The following HIGD1C variants were observed in gnomAD, a reference collection of about 807,000 sequenced individuals.
HIGD1C encodes the protein HIG1 domain family member 1C.
HIGD1C carries 11 observed loss-of-function variants against 13.1 expected under a neutral mutation model. The ratio of observed to expected loss-of-function variants is 0.84; its 90% confidence interval spans 0.53 to 1.39. HIGD1C has a LOEUF of 1.39. HIGD1C is among the 40% of genes most tolerant of loss of function. The pLI is 0.00. For synonymous variants in HIGD1C, 36 were observed against 37.7 expected (o/e 0.95, Z 0.17); for missense variants, 110 against 112.0 (o/e 0.98, Z 0.08).
At chr12:50,944,234 G>C in the HIGD1C span, among the ~76,000 whole-genome samples, 1 of 152,080 alleles carries the variant, frequency 6.6e-6, no homozygotes, top group African/African-American at 2.4e-5. Flanking sequence ...CTCTCTCCCA[G>C]GTCTGTCTTT....
the HIGD1C span, among the ~76,000 whole-genome samples, chr12:50,947,554 T>C: frequency 1.3e-4 from 20 of 152,160 alleles, no homozygotes; most frequent in Non-Finnish European, 2.8e-4. Context: ...CCCACCCAGA[T>C]AGTCCAGGAC....
At chr12:50,944,164 C>T in the HIGD1C span, among the ~76,000 whole-genome samples, 1 of 152,082 alleles carries the variant, frequency 6.6e-6, no homozygotes, top group Non-Finnish European at 1.5e-5. Context: ...ATCCCTTCTC[C>T]TGACCTAAGG....
chr12:50,951,264 G>A (rs1166718088), upstream of HIGD1C, among the ~76,000 whole-genome samples: 2 of 152,202 alleles, frequency 1.3e-5, no homozygotes, highest in African/African-American at 2.4e-5. Flanking sequence ...ACCCAGGAAA[G>A]GGACATTTCC....
At chr12:50,959,909 C>CG (rs1345823009) in intron 1 of HIGD1C, among the ~76,000 whole-genome samples, 6 of 152,226 alleles carry the variant, frequency 3.9e-5, no homozygotes, top group Non-Finnish European at 7.3e-5. Context: ...CTCAACCTCC[C>CG]AAAGTGCTGG....
the HIGD1C span, among the ~76,000 whole-genome samples, chr12:50,938,974 A>G: frequency 6.6e-6 from 1 of 152,104 alleles, no homozygotes; most frequent in Non-Finnish European, 1.5e-5. Flanking sequence ...TTAGCAAGCA[A>G]TTTTCCTGGG....
the HIGD1C span, chr12:50,931,359 A>C: frequency 2.0e-5 from 3 of 152,116 alleles, no homozygotes; most frequent in African/African-American, 7.2e-5. Flanking sequence ...GCTAATTAAG[A>C]ATCTGAGTCT....
At chr12:50,960,478 G>T (rs1323677493) in intron 1 of HIGD1C, among the ~76,000 whole-genome samples, 1 of 152,128 alleles carries the variant, frequency 6.6e-6, no homozygotes, top group East Asian at 1.9e-4. Flanking sequence ...TAATTTTTCT[G>T]GGAAGAGTCA....
chr12:50,948,981 T>C (rs1436888117), upstream of HIGD1C: 1 of 131,708 alleles, frequency 7.6e-6, no homozygotes, highest in Non-Finnish European at 1.6e-5. Flanking sequence ...GGTTATTCCT[T>C]GCAGCATTGT....
chr12:50,958,298 T>TC (rs1939187555), intron 1 of HIGD1C, among the ~76,000 whole-genome samples: 1 of 151,498 alleles, frequency 6.6e-6, no homozygotes, highest in African/African-American at 2.4e-5. Flanking sequence ...TTTTTTTTTT[T>TC]TTAGACGGAG....
chr12:50,952,297 AT>A (rs1296853348), upstream of HIGD1C, among the ~76,000 whole-genome samples: 2 of 152,172 alleles, frequency 1.3e-5, no homozygotes, highest in Non-Finnish European at 2.9e-5. Context: ...AGAAAGAAAC[AT>A]GTTAATAAAG....
the HIGD1C span, among the ~76,000 whole-genome samples, chr12:50,942,172 G>A: frequency 3.3e-5 from 5 of 152,072 alleles, no homozygotes; most frequent in Non-Finnish European, 5.9e-5. Flanking sequence ...GTGAGCCACC[G>A]CACCCGGCCC....
intron 2 of HIGD1C, among the ~76,000 whole-genome samples, chr12:50,962,369 C>G (rs1939367941): frequency 6.6e-6 from 1 of 151,794 alleles, no homozygotes; most frequent in African/African-American, 2.4e-5. Context: ...CGAGATCATG[C>G]CTTTGCACTC....
Position 50,958,357 on chromosome 12 carries a change from C to T in HIGD1C, c.95-2611C>T, listed in dbSNP as rs573034157. On this transcript the variant is annotated intron_variant, in intron 1 of 2. Transcript: ENST00000398455. ...AGTGCAGTGGCACTATCTCGGCTCA[C>T]TGCAAGCTCTGCCTCCCGGGTTCAC... Among the ~76,000 whole-genome samples, 152 of 149,942 alleles carry T rather than the reference C, an allele frequency of 1.0e-3. 1 individual carries two copies. Among genetic ancestry groups the T allele is most frequent in the Non-Finnish European group, 1.8e-3 (124 of 67,692 alleles).
chr12:50,942,160 G>GTCA, the HIGD1C span, among the ~76,000 whole-genome samples: 104 of 152,270 alleles, frequency 6.8e-4, 1 homozygote, highest in African/African-American at 2.3e-3. Context: ...GGGATTACAG[G>GTCA]CGTGAGCCAC....
chr12:50,948,526 A>G, the HIGD1C span, among the ~76,000 whole-genome samples: 1 of 151,798 alleles, frequency 6.6e-6, no homozygotes, highest in Non-Finnish European at 1.5e-5. Context: ...TTTTCCTTTG[A>G]CCCAGCAATT....
At chr12:50,947,679 A>G in the HIGD1C span, among the ~76,000 whole-genome samples, 1 of 152,182 alleles carries the variant, frequency 6.6e-6, no homozygotes, top group African/African-American at 2.4e-5. Flanking sequence ...TAGGATGTGG[A>G]CATTTCTGGG....
chr12:50,956,804 G>C (rs1484162942), intron 1 of HIGD1C, among the ~76,000 whole-genome samples: 1 of 152,004 alleles, frequency 6.6e-6, no homozygotes, highest in Non-Finnish European at 1.5e-5. Flanking sequence ...TCATTTTCTT[G>C]ATTTTTCTTT....
chr12:50,960,937 T>G, intron 1 of HIGD1C, 31 bp from the exon 4 acceptor site: 1 of 1,534,430 alleles, frequency 6.5e-7, no homozygotes, highest in Non-Finnish European at 8.8e-7. Flanking sequence ...GCCTCAGCCT[T>G]CCAAATAACC....
At chr12:50,946,801 C>T in the HIGD1C span, among the ~76,000 whole-genome samples, 1 of 152,052 alleles carries the variant, frequency 6.6e-6, no homozygotes, top group East Asian at 1.9e-4. Context: ...GGAGATATAC[C>T]TAATGTAAAT....
Sources: allele counts gnomAD v4.1 joint callset (sites outside exome capture counted in the v4.1 genomes callset), GRCh38; gene constraint gnomAD v4.1.1; transcripts MANE v1.5; gene names NCBI Gene and HGNC (gene_info 2026-07-23, HGNC 2026-07-21).